The following UBL7 variants were observed in gnomAD, a reference collection of about 807,000 sequenced individuals.
The protein encoded by UBL7 is ubiquitin like 7.
A neutral mutation model predicts 41.7 loss-of-function variants in UBL7; 21 were observed. The observed-to-expected ratio is 0.50, with a 90% CI of 0.36 to 0.73. UBL7 has a LOEUF of 0.73. Among genes scored for constraint, UBL7 ranks in the 30% least tolerant of loss-of-function variants. UBL7 has a pLI of 0.00. For missense variants in UBL7, 403 were observed against 478.4 expected, an observed-to-expected ratio of 0.84 and a Z score of 1.47; for synonymous variants, 157 against 186.9, an observed-to-expected ratio of 0.84 and a Z score of 1.31.
At chr15:74,450,226 C>T (rs2061230278) in intron 6 of UBL7, among the ~76,000 whole-genome samples, 157 bp from the exon 7 acceptor site, 1 of 152,212 alleles carries the variant, frequency 6.6e-6, no homozygotes, top group Non-Finnish European at 1.5e-5. Context: ...CTTTATCCTC[C>T]TGCTGATCTG....
intron 10 of UBL7, among the ~76,000 whole-genome samples, chr15:74,447,853 C>T (rs529079756): frequency 6.6e-6 from 1 of 152,332 alleles, no homozygotes; most frequent in South Asian, 2.1e-4. Context: ...ATCTTCTACA[C>T]TGGACACTGC....
rs980404026 is a variant in UBL7, at chr15:74,448,344, T to C, written c.1005+134A>G. ...CCTTGCTAGGAACACTCTGCACCTG[T>C]CCCACTGCCATGCTCCAGCTGTTCC... On this transcript the variant is annotated intron_variant, in intron 10 of 10. Coordinates refer to ENST00000395081, the MANE Select transcript of UBL7 (RefSeq NM_032907.5). 3 of 1,401,940 alleles carry C rather than the reference T, an allele frequency of 2.1e-6. No homozygotes were observed. The African/African-American group carries it at 4.3e-5, about 20-fold the overall frequency. The allele number at this position is 1,401,940 out of a possible 1,614,324, so 86.8% of individuals were successfully genotyped here. A position where few individuals can be genotyped will look rare whatever the true frequency, so the allele number is the denominator to read the frequency against.
Position 74,446,015 on chromosome 15 carries a change from G to T in UBL7, c.*75C>A. 1 of 1,562,794 alleles carries T rather than the reference G, an allele frequency of 6.4e-7. No individual in the cohort carries two copies. ...CAGGTATATTGGGGAAGGGAGAGAT[G>T]GAGGCACCTTCATGAGTGCCTCCCA... On this transcript the variant is annotated 3_prime_UTR_variant, in exon 11 of 11. Transcript: ENST00000395081. This position sits in a 1 kb window ranked among gnomAD's most constrained non-coding sequence, Gnocchi z 4.1.
intron 4 of UBL7, 112 bp downstream of exon 4, chr15:74,452,184 G>A (rs916083499): frequency 2.7e-6 from 3 of 1,128,870 alleles, no homozygotes; most frequent in Non-Finnish European, 2.5e-6. Context: ...ACTCCCCAAG[G>A]AACTCTTGGT....
At position 74,451,564 on chromosome 15, in the gene UBL7, T is replaced by C. The variant is rs374222625; in HGVS notation, c.388-44A>G. The stretch of plus-strand genomic sequence containing the variant: ...GGGCTGAGCACTCCAACCAGCTCAA[T>C]GTACTCATCAAATGCCCACACTCTG... On this transcript the variant is annotated intron_variant, in intron 4 of 10. Coordinates refer to ENST00000395081, the MANE Select transcript of UBL7 (RefSeq NM_032907.5). The C allele has an allele frequency of 2.7e-5, 41 of 1,528,154 alleles. No individual in the cohort carries two copies. The African/African-American group carries it at 4.7e-4, about 17-fold the overall frequency. 94.7% of individuals were successfully genotyped at this position (1,528,154 alleles called of 1,614,324 possible). A position where few individuals can be genotyped will look rare whatever the true frequency, so the allele number is the denominator to read the frequency against.
At chr15:74,457,372 G>A (rs924219021) in intron 2 of UBL7, among the ~76,000 whole-genome samples, 3 of 151,996 alleles carry the variant, frequency 2.0e-5, no homozygotes, top group Admixed American at 6.6e-5. Context: ...GGTAAACCTC[G>A]TCTCTACCAA....
chr15:74,458,627 T>G, intron 2 of UBL7, 57 bp downstream of exon 2: 2 of 1,470,680 alleles, frequency 1.4e-6, no homozygotes, highest in Middle Eastern at 2.0e-4. Flanking sequence ...ATTCCAGAAG[T>G]ATCCTCCCCC....
chr15:74,458,850 C>A lies in UBL7; in HGVS notation c.18G>T (p.Trp6Cys). 6.2e-7 allele frequency: 1 copy of A among 1,611,716 alleles called. No individual in the cohort carries two copies. Among genetic ancestry groups the A allele is most frequent in the Non-Finnish European group, 8.5e-7 (1 of 1,180,024 alleles). The stretch of plus-strand genomic sequence containing the variant: ...GGTCAGCCAGCTTCACCGCCAGGTG[C>A]CAGTCTGAGAGAGACATCCTCTCTC... MSLSD[W>C]HLAVKLADQP... Residue 6 changes from tryptophan (W) to cysteine (C), a missense_variant, in exon 2 of 11, where the codon TGG becomes TGT. By Grantham distance (215) the Trp-to-Cys change is radical. Coordinates refer to ENST00000395081, the MANE Select transcript of UBL7 (RefSeq NM_032907.5).
chr15:74,460,094 T>G (rs985239302), intron 1 of UBL7, among the ~76,000 whole-genome samples: 2 of 151,688 alleles, frequency 1.3e-5, no homozygotes, highest in Non-Finnish European at 2.9e-5. Context: ...TAGAAAAAAT[T>G]TGCAGGGCGT....
chr15:74,452,017 G>A (rs1049485059), intron 4 of UBL7, among the ~76,000 whole-genome samples: 6 of 152,142 alleles, frequency 3.9e-5, no homozygotes, highest in Admixed American at 6.5e-5. Flanking sequence ...AGCCAAAGTC[G>A]AAGAATGAGG....
chr15:74,461,142 C>T lies in UBL7; in HGVS notation c.-135G>A, dbSNP rs1386103263. On this transcript the variant is annotated 5_prime_UTR_variant, in exon 1 of 11. Transcript: ENST00000395081. Reference sequence around the variant, plus strand: ...GGAAGGAACCCGGCCGCACTGCCGCCGGTGTAAACACTCACTCTGGCCCTC... The same window carrying T: ...GGAAGGAACCCGGCCGCACTGCCGCTGGTGTAAACACTCACTCTGGCCCTC... The T allele has an allele frequency of 1.0e-6, 1 of 997,232 alleles. No individual in the cohort carries two copies. The highest frequency in any genetic ancestry group is 1.2e-6 in the Non-Finnish European group (1 of 835,758). 61.8% of individuals were successfully genotyped at this position (997,232 alleles called of 1,614,324 possible). A position where few individuals can be genotyped will look rare whatever the true frequency, so the allele number is the denominator to read the frequency against.
At chr15:74,453,371 C>T (rs1019624925) in intron 3 of UBL7, among the ~76,000 whole-genome samples, 1 of 152,034 alleles carries the variant, frequency 6.6e-6, no homozygotes, top group African/African-American at 2.4e-5. Context: ...TTACAAAATG[C>T]CACGTTGAAG....
chr15:74,459,254 T>TA (rs1769546829), intron 1 of UBL7, among the ~76,000 whole-genome samples: 1 of 152,076 alleles, frequency 6.6e-6, no homozygotes, highest in South Asian at 2.1e-4. Context: ...CCCTGCCTCT[T>TA]GCCTCTCCCT....
intron 4 of UBL7, 61 bp downstream of exon 4, chr15:74,452,235 C>T (rs1054368145): frequency 5.3e-6 from 8 of 1,510,636 alleles, no homozygotes; most frequent in South Asian, 2.4e-5. Context: ...CCACACCACT[C>T]GCCAGCCAGC....
At chr15:74,457,953 TC>T (rs2061310017) in intron 2 of UBL7, among the ~76,000 whole-genome samples, 1 of 152,156 alleles carries the variant, frequency 6.6e-6, no homozygotes, top group South Asian at 2.1e-4. Context: ...TTTAAATTCC[TC>T]CCTCCTCCAC....
At chr15:74,458,193 G>A (rs2061311809) in intron 2 of UBL7, among the ~76,000 whole-genome samples, 1 of 152,196 alleles carries the variant, frequency 6.6e-6, no homozygotes, top group African/African-American at 2.4e-5. Flanking sequence ...CATTTTGGGA[G>A]GCTGAGGCGG....
rs1364353600 is a variant in UBL7 at position 74,452,297 on chromosome 15, G to A, written c.386C>T (p.Ala129Val). The A allele has an allele frequency of 9.6e-6, 15 of 1,555,288 alleles. No individual in the cohort carries two copies. Among genetic ancestry groups the A allele is most frequent in the Middle Eastern group, 1.7e-4 (1 of 6,012 alleles). ...CTGGGGGCCGCAGCACACACTCACC[G>A]CCTCCCTGTAAGAGGAGCTGCTGTG... Reference protein sequence around the residue: ...ALHSSSSYREAVFKMLSNKES... With the variant: ...ALHSSSSYREVVFKMLSNKES... Residue 129 changes from alanine to valine, a missense_variant and splice_region_variant, in exon 4 of 11, where the codon GCG (alanine) becomes GTG (valine). Ala to Val is a moderately conservative substitution (Grantham distance 64, BLOSUM62 0). Transcript: ENST00000395081.
intron 4 of UBL7, among the ~76,000 whole-genome samples, chr15:74,451,725 A>AG (rs1030441856): frequency 1.3e-5 from 2 of 151,896 alleles, no homozygotes; most frequent in Non-Finnish European, 1.5e-5. Flanking sequence ...AAAAAAAAAA[A>AG]GGCAAGACCA....
Position 74,449,963 on chromosome 15 carries a change from G to T in UBL7, c.637C>A (p.Pro213Thr). 4 of 1,612,912 alleles carry T rather than the reference G, an allele frequency of 2.5e-6. No individual in the cohort carries two copies. The highest frequency in any genetic ancestry group is 3.4e-6 in the Non-Finnish European group (4 of 1,179,590). The change falls in exon 7 of 11, where the codon CCC (proline) becomes ACC (threonine). Residue 213 changes from proline to threonine, a missense_variant. By Grantham distance (38) the Pro-to-Thr change is conservative (BLOSUM62 -1). Transcript: ENST00000395081. Reference protein sequence around the residue: ...PGTDSSSRSMPSSSYRDMPGG... With the variant: ...PGTDSSSRSMTSSSYRDMPGG... ...GGCATATCCCGGTATGAGCTGGAGG[G>T]CATGCTCCGGGAAGAGGAGTCAGTC...
Sources: gnomAD v4.1 joint callset for allele counts (sites outside exome capture counted in the v4.1 genomes callset) on GRCh38, gnomAD v4.1.1 for gene constraint, Gnocchi (gnomAD v3.1) non-coding constraint, MANE v1.5 for transcripts, NCBI Gene and HGNC (gene_info 2026-07-23, HGNC 2026-07-21) for gene names.